IQSEC1: variants seen among roughly 807,000 people sequenced by gnomAD.
IQSEC1 encodes the protein IQ motif and SEC7 domain-containing protein 1.
IQSEC1 carries 31 observed loss-of-function variants against 91.0 expected under a neutral mutation model. The ratio of observed to expected loss-of-function variants is 0.34; its 90% CI spans 0.26 to 0.46. The LOEUF (loss-of-function observed/expected upper bound fraction) is 0.46. Ranked by LOEUF, IQSEC1 falls within the 20% of genes least tolerant of loss-of-function variation. IQSEC1 has a pLI of 1.00. For missense variants in IQSEC1, 1,388 were observed against 1,575.6 expected (o/e 0.88, Z 2.02); for synonymous variants, 699 against 662.6 (o/e 1.05, Z -0.84).
chr3:13,134,320 G>A (rs929617454), intron 2 of IQSEC1, among the ~76,000 whole-genome samples: 1 of 152,212 alleles, frequency 6.6e-6, no homozygotes, highest in Admixed American at 6.5e-5. Flanking sequence ...CTCCTACCCT[G>A]AGTCTCCGCT....
chr3:13,074,155 G>A (rs1410761743), upstream of IQSEC1, among the ~76,000 whole-genome samples: 2 of 152,256 alleles, frequency 1.3e-5, no homozygotes, highest in Non-Finnish European at 2.9e-5. Context: ...AGAGCAGGAA[G>A]AGGGGAGGCA....
In IQSEC1 at chr3:12,901,068, G is replaced by A. The variant is rs1233753105; in HGVS notation, c.3260C>T (p.Thr1087Ile). 4.5e-6 allele frequency: 7 copies of A among 1,541,474 alleles called. No individual in the cohort carries two copies. In the African/African-American group the frequency reaches 6.9e-5, roughly 15 times the overall value. ...PPLPSAHVGH[T>I]VHHHGQPPAP... is the part of the protein sequence containing the mutation. ...AGGGGGCTGCCCATGGTGGTGCACT[G>A]TGTGCCCCACGTGGGCCGAGGGCAG... The change falls in exon 14 of 14, where the codon ACA (threonine) becomes ATA (isoleucine). Residue 1087 changes from threonine (T) to isoleucine (I), a missense_variant. Coordinates refer to ENST00000613206, the MANE Select transcript of IQSEC1 (RefSeq NM_001134382.3).
rs117315993 is a variant in IQSEC1 at position 13,107,341 on chromosome 3, G to A, written c.302+56763C>T. Among the ~76,000 whole-genome samples the A allele has an allele frequency of 8.1e-3, 1,229 of 152,304 alleles. 13 individuals carry two copies. Among genetic ancestry groups the A allele is most frequent in the Admixed American group, 0.027 (406 of 15,302 alleles). On this transcript the variant is annotated intron_variant, in intron 2 of 15. Transcript: ENST00000648114. ...AATTATTCAGGCAAGTTAAGGCAGC[G>A]GCCATTGCCAACAGGACCATGCCCC...
At chr3:13,152,925 CTTT>C (rs1462857700) in intron 2 of IQSEC1, among the ~76,000 whole-genome samples, 1 of 152,114 alleles carries the variant, frequency 6.6e-6, no homozygotes, top group Non-Finnish European at 1.5e-5. Context: ...TGGTTCTTTT[CTTT>C]CTCTCTCAGG....
chr3:13,018,956 C>G (rs1174873533), intron 1 of IQSEC1, among the ~76,000 whole-genome samples: 1 of 152,216 alleles, frequency 6.6e-6, no homozygotes, highest in Non-Finnish European at 1.5e-5. Flanking sequence ...CCTAAGCCCC[C>G]ACGCTGAGAC....
At chr3:13,086,318 CA>C (rs141143613) in intron 2 of IQSEC1, among the ~76,000 whole-genome samples, 17,201 of 152,232 alleles carry the variant, frequency 0.11, 1,203 homozygotes, top group East Asian at 0.28. Context: ...GATGACACAG[CA>C]CATGCTCAGT....
intron 2 of IQSEC1, among the ~76,000 whole-genome samples, chr3:13,107,635 A>C (rs1006092793): frequency 3.3e-5 from 5 of 152,256 alleles, no homozygotes; most frequent in Non-Finnish European, 5.9e-5. Context: ...ATACAACAAC[A>C]GGTATAATTT....
chr3:13,101,309 A>G (rs1290566240), intron 2 of IQSEC1, among the ~76,000 whole-genome samples: 1 of 151,880 alleles, frequency 6.6e-6, no homozygotes, highest in Admixed American at 6.6e-5. Flanking sequence ...GTGAAACCCC[A>G]TCTCTACTAA....
chr3:12,913,591 C>G, intron 8 of IQSEC1, 38 bp from the exon 9 acceptor site: 1 of 1,583,332 alleles, frequency 6.3e-7, no homozygotes, highest in Non-Finnish European at 8.6e-7. Context: ...GGCCGCCCAG[C>G]TCTCCTCTAG....
At chr3:13,229,540 C>T (rs1179613926) in intron 1 of IQSEC1, among the ~76,000 whole-genome samples, 2 of 152,174 alleles carry the variant, frequency 1.3e-5, no homozygotes, top group Non-Finnish European at 2.9e-5. Flanking sequence ...CACACGAGTG[C>T]ATTACAGACA....
At chr3:13,239,324 C>A (rs1471354688) in intron 1 of IQSEC1, among the ~76,000 whole-genome samples, 1 of 152,238 alleles carries the variant, frequency 6.6e-6, no homozygotes, top group Non-Finnish European at 1.5e-5. Flanking sequence ...CCCATTGAGC[C>A]CCTGCCTCCT....
intron 1 of IQSEC1, among the ~76,000 whole-genome samples, chr3:13,227,668 G>T (rs773387512): frequency 6.6e-6 from 1 of 152,114 alleles, no homozygotes; most frequent in Non-Finnish European, 1.5e-5. Context: ...AACCAGGAGA[G>T]AGCTGGCAGT....
At chr3:13,201,840 G>T (rs760320493) in intron 1 of IQSEC1, among the ~76,000 whole-genome samples, 1 of 152,202 alleles carries the variant, frequency 6.6e-6, no homozygotes, top group Admixed American at 6.5e-5. Flanking sequence ...TCAATGCCAT[G>T]CATCTGTGTT....
At chr3:13,016,347 T>C (rs1452893566) in intron 1 of IQSEC1, among the ~76,000 whole-genome samples, 1 of 152,216 alleles carries the variant, frequency 6.6e-6, no homozygotes, top group Non-Finnish European at 1.5e-5. Context: ...ATCTCTCATC[T>C]AAACAGTGGC....
In IQSEC1 at chr3:12,967,601, C is replaced by T; in HGVS notation, c.24-25736G>A. ...CCGCCACGCGATCACGTCGGGGCTC[C>T]TGGTCCAGCGTCCGCCGGCTCCCGC... On this transcript the variant is annotated intron_variant, in intron 1 of 13. Transcript: ENST00000613206. The surrounding 1 kb of genome is among the most constrained non-coding windows in gnomAD (Gnocchi z 5.9). 2 of 1,264,780 alleles carry T rather than the reference C, an allele frequency of 1.6e-6. No individual in the cohort carries two copies. The highest frequency in any genetic ancestry group is 2.0e-6 in the Non-Finnish European group (2 of 1,007,636). 78.3% of individuals were successfully genotyped at this position (1,264,780 alleles called of 1,614,324 possible).
intron 1 of IQSEC1, among the ~76,000 whole-genome samples, chr3:13,215,407 C>A (rs1452359716): frequency 1.3e-5 from 2 of 151,892 alleles, no homozygotes; most frequent in African/African-American, 4.8e-5. Context: ...CAGGCTCTGG[C>A]CATGCCAGAC....
chr3:13,226,996 C>G (rs1400128039), intron 1 of IQSEC1, among the ~76,000 whole-genome samples: 3 of 152,154 alleles, frequency 2.0e-5, no homozygotes, highest in African/African-American at 7.2e-5. Context: ...CGTTTGGGAT[C>G]GTTTGAGCCC....
rs1445488038 is a variant in IQSEC1 at position 12,917,449 on chromosome 3, CAT to C, written c.2021-1718_2021-1717del. Among the ~76,000 whole-genome samples, 7 of 152,218 alleles carry C rather than the reference CAT, an allele frequency of 4.6e-5. No homozygotes were observed. In the East Asian group the frequency reaches 1.3e-3, roughly 29 times the overall value. The stretch of plus-strand genomic sequence containing the variant: ...CAGCCACTCATCCTTTTCCTGTCTC[CAT>C]AGTTTTGCCTTTTCCAGAATGTCAT... On this transcript the variant is annotated intron_variant, in intron 6 of 13. Transcript: ENST00000613206.
chr3:12,975,671 C>G (rs1701134060), intron 1 of IQSEC1, among the ~76,000 whole-genome samples: 1 of 152,224 alleles, frequency 6.6e-6, no homozygotes, highest in African/African-American at 2.4e-5. Context: ...GTGCTAAATG[C>G]ATGACAGGTT....
Sources: allele counts gnomAD v4.1 joint callset (sites outside exome capture counted in the v4.1 genomes callset), GRCh38; gene constraint gnomAD v4.1.1; non-coding constraint Gnocchi (gnomAD v3.1); transcripts MANE v1.5; gene names NCBI Gene and HGNC (gene_info 2026-07-23, HGNC 2026-07-21).